The following CADPS variants were observed in gnomAD, a reference collection of about 807,000 sequenced individuals.
The protein encoded by CADPS is calcium dependent secretion activator.
CADPS carries 57 observed loss-of-function variants against 167.3 expected under a neutral mutation model. The ratio of observed to expected loss-of-function variants is 0.34; its 90% CI spans 0.28 to 0.42. The LOEUF (loss-of-function observed/expected upper bound fraction) is 0.42. Ranked by LOEUF, CADPS falls within the 20% of genes least tolerant of loss-of-function variation. CADPS has a pLI of 1.00. For synonymous variants in CADPS, 676 were observed against 635.3 expected (o/e 1.06, Z -0.96); for missense variants, 1,414 against 1,738.1 (o/e 0.81, Z 3.32).
intron 9 of CADPS, among the ~76,000 whole-genome samples, chr3:62,565,207 C>T (rs17066599): frequency 0.014 from 2,070 of 152,232 alleles, 47 homozygotes; most frequent in African/African-American, 0.046. Context: ...GTGCTGAAGG[C>T]CCATTTCCCC....
chr3:62,774,773 T>C (rs920221559), intron 1 of CADPS, among the ~76,000 whole-genome samples: 2 of 152,172 alleles, frequency 1.3e-5, no homozygotes, highest in Admixed American at 6.5e-5. Context: ...GCCGTTTTGG[T>C]TGAAGTATAT....
Position 62,528,535 on chromosome 3 carries a change from C to T in CADPS, c.2291+4336G>A, listed in dbSNP as rs193035182. Among the ~76,000 whole-genome samples the T allele has an allele frequency of 1.1e-3, 160 of 152,208 alleles. 1 individual carries two copies. The highest frequency in any genetic ancestry group is 3.7e-3 in the African/African-American group (153 of 41,528). ...AAACATTTTTATTTATGAAACCTGA[C>T]GATGGACTATTTCACTTGTTATTGT... On this transcript the variant is annotated intron_variant, in intron 13 of 29. Coordinates refer to ENST00000383710, the MANE Select transcript of CADPS (RefSeq NM_003716.4).
Position 62,585,171 on chromosome 3 carries a change from G to A in CADPS, c.1577+14C>T. ...CGTGTGTCCAAAACTGCTAGTTGGG[G>A]AAGAAACACTTACCCAGAATGCTTC... On this transcript the variant is annotated intron_variant, in intron 8 of 29. Coordinates refer to ENST00000383710, the MANE Select transcript of CADPS (RefSeq NM_003716.4). 1 of 1,611,966 alleles carries A rather than the reference G, an allele frequency of 6.2e-7. No homozygotes were observed. Among genetic ancestry groups the A allele is most frequent in the Non-Finnish European group, 8.5e-7 (1 of 1,178,142 alleles).
chr3:62,424,550 A>G (rs552507015), intron 28 of CADPS, among the ~76,000 whole-genome samples: 1 of 152,304 alleles, frequency 6.6e-6, no homozygotes, highest in Non-Finnish European at 1.5e-5. Context: ...GTGTGAAGCA[A>G]GAGTTCTAAA....
At chr3:62,534,753 A>T (rs1236160933) in intron 12 of CADPS, among the ~76,000 whole-genome samples, 1 of 152,214 alleles carries the variant, frequency 6.6e-6, no homozygotes, top group South Asian at 2.1e-4. Flanking sequence ...TGGAATATAC[A>T]GAGGCAGGAG....
At position 62,662,383 on chromosome 3, in the gene CADPS, T is replaced by C. The variant is rs758757553; in HGVS notation, c.900A>G (p.Pro300=). ...GTCTGATCTGGGCTGCTTGCTCATC[T>C]GGATTGTCCAGCTGCACAAAAGCAC... The part of the protein sequence containing the change: ...LLYNACQLDN[P]DEQAAQIRRE... Residue 300 remains proline, a synonymous_variant, in exon 4 of 30, where the codon CCA becomes CCG. Coordinates refer to ENST00000383710, the MANE Select transcript of CADPS (RefSeq NM_003716.4). The C allele has an allele frequency of 6.2e-7, 1 of 1,613,982 alleles. No homozygotes were observed. Among genetic ancestry groups the C allele is most frequent in the East Asian group, 2.2e-5 (1 of 44,852 alleles).
At chr3:62,604,024 GTTT>G (rs1227942584) in intron 6 of CADPS, among the ~76,000 whole-genome samples, 1 of 151,586 alleles carries the variant, frequency 6.6e-6, no homozygotes, top group Non-Finnish European at 1.5e-5. Context: ...TGGAGACGGG[GTTT>G]CACTGTGTTA....
intron 28 of CADPS, chr3:62,404,765 T>G (rs1575579755): frequency 6.9e-6 from 1 of 145,802 alleles, no homozygotes. Flanking sequence ...GCAGGAGGGG[T>G]AGGAAGTAGA....
At chr3:62,703,771 G>C (rs1245365998) in intron 3 of CADPS, among the ~76,000 whole-genome samples, 2 of 152,120 alleles carry the variant, frequency 1.3e-5, no homozygotes, top group African/African-American at 2.4e-5. Flanking sequence ...TGAAATGCCT[G>C]GTTGTATTTT....
chr3:62,661,861 G>A (rs1053376879), intron 4 of CADPS, among the ~76,000 whole-genome samples: 3 of 152,124 alleles, frequency 2.0e-5, no homozygotes, highest in African/African-American at 7.2e-5. Context: ...GACTGAGTGT[G>A]GAACATTGCA....
intron 5 of CADPS, among the ~76,000 whole-genome samples, chr3:62,647,801 C>T (rs935591671): frequency 6.6e-6 from 1 of 152,224 alleles, no homozygotes; most frequent in Non-Finnish European, 1.5e-5. Flanking sequence ...GTGCAGGTTT[C>T]TCAACCTCTC....
At chr3:62,573,068 G>C (rs1465501940) in intron 8 of CADPS, among the ~76,000 whole-genome samples, 1 of 152,092 alleles carries the variant, frequency 6.6e-6, no homozygotes, top group Non-Finnish European at 1.5e-5. Context: ...TTTTAGTAGA[G>C]ATGGGGTTTC....
At chr3:62,640,419 A>G (rs1195904456) in intron 6 of CADPS, among the ~76,000 whole-genome samples, 2 of 152,172 alleles carry the variant, frequency 1.3e-5, no homozygotes, top group Non-Finnish European at 1.5e-5. Context: ...AGCCTGGCCC[A>G]TTCTACACTC....
intron 4 of CADPS, among the ~76,000 whole-genome samples, chr3:62,659,233 G>A (rs1321768598): frequency 6.6e-6 from 1 of 152,098 alleles, no homozygotes; most frequent in Non-Finnish European, 1.5e-5. Context: ...TGTGATGCTG[G>A]AAATAGAAAA....
chr3:62,811,801 T>C (rs562170178), intron 1 of CADPS, among the ~76,000 whole-genome samples: 26 of 152,312 alleles, frequency 1.7e-4, no homozygotes, highest in African/African-American at 5.5e-4. Flanking sequence ...TGTCTCTAAA[T>C]GTCGTAATTT....
intron 3 of CADPS, among the ~76,000 whole-genome samples, chr3:62,742,622 A>C (rs896292335): frequency 6.6e-6 from 1 of 152,226 alleles, no homozygotes; most frequent in Non-Finnish European, 1.5e-5. Context: ...CACAAAAATT[A>C]ACTCAAGATA....
intron 8 of CADPS, among the ~76,000 whole-genome samples, chr3:62,575,331 A>C (rs757330308): frequency 5.9e-5 from 9 of 152,154 alleles, no homozygotes; most frequent in Non-Finnish European, 1.3e-4. Context: ...AATTTATTAC[A>C]CTCATCTGGA....
At position 62,690,556 on chromosome 3, in the gene CADPS, G is replaced by T. The variant is rs148733758; in HGVS notation, c.889-28162C>A. On this transcript the variant is annotated intron_variant, in intron 3 of 29. Transcript: ENST00000383710. Reference sequence around the variant, plus strand: ...ATTCTCATCTGTGTTAAGTTAAAAAGAGAACCCGGACTGTCCCTGTGTCCA... The same window carrying T: ...ATTCTCATCTGTGTTAAGTTAAAAATAGAACCCGGACTGTCCCTGTGTCCA... Among the ~76,000 whole-genome samples the T allele has an allele frequency of 3.7e-3, 563 of 151,916 alleles. 8 individuals are homozygous for T. The highest frequency in any genetic ancestry group is 0.012 in the African/African-American group (511 of 41,408).
chr3:62,695,402 G>A (rs533635784), intron 3 of CADPS, among the ~76,000 whole-genome samples: 1 of 152,218 alleles, frequency 6.6e-6, no homozygotes, highest in Admixed American at 6.5e-5. Flanking sequence ...AAAGCTGTCT[G>A]TTGTAGGGGA....
Sources: gnomAD v4.1 joint callset for allele counts (sites outside exome capture counted in the v4.1 genomes callset) on GRCh38, gnomAD v4.1.1 for gene constraint, MANE v1.5 for transcripts, NCBI Gene and HGNC (gene_info 2026-07-23, HGNC 2026-07-21) for gene names.